The following MBTPS2 variants were observed in gnomAD, a reference collection of about 807,000 sequenced individuals.
The protein encoded by MBTPS2 is membrane bound transcription factor peptidase, site 2, also known as membrane-bound transcription factor site-2 protease.
Under a neutral mutation model 35.4 loss-of-function variants are expected in MBTPS2, and 2 were observed. That is an observed-to-expected ratio of 0.06 (90% CI 0.02 to 0.18). The LOEUF (loss-of-function observed/expected upper bound fraction) is 0.18, where lower values mean the gene tolerates loss of function less well. Among genes scored for constraint, MBTPS2 ranks in the 10% least tolerant of loss-of-function variants. The pLI is 1.00. For synonymous variants in MBTPS2, 125 were observed against 140.4 expected (o/e 0.89, Z 0.77); for missense variants, 244 against 386.5 (o/e 0.63, Z 3.09).
At chrX:21,865,803 A>T (rs1362976006) in intron 5 of MBTPS2, among the ~76,000 whole-genome samples, 20 of 110,841 alleles carry the variant, frequency 1.8e-4, no homozygotes, top group Non-Finnish European at 3.4e-4. Context: ...GTTTTTTTTT[A>T]TTATTATTTG....
At chrX:21,861,800 A>G (rs1348801564) in intron 5 of MBTPS2, among the ~76,000 whole-genome samples, 3 of 109,262 alleles carry the variant, frequency 2.7e-5, no homozygotes, top group Non-Finnish European at 3.8e-5. Flanking sequence ...AATAGAAAAG[A>G]TCATTTACCT....
chrX:21,862,342 C>T lies in MBTPS2; in HGVS notation c.671-6125C>T, dbSNP rs368630852. Among the ~76,000 whole-genome samples, 12 of 110,319 alleles carry T rather than the reference C, an allele frequency of 1.1e-4. No individual in the cohort carries two copies. In the East Asian group the frequency reaches 2.3e-3, roughly 21 times the overall value. ...GTTTCTGTGGTGTAAATACTTGCAC[C>T]GTGGTCAGTTTCAAGCTGCAAACCT... is the stretch of plus-strand genomic sequence containing the variant. On this transcript the variant is annotated intron_variant, in intron 5 of 10. Coordinates refer to ENST00000379484, the MANE Select transcript of MBTPS2 (RefSeq NM_015884.4).
chrX:21,856,722 A>G, intron 5 of MBTPS2: 1 of 1,211,933 alleles, frequency 8.3e-7, no homozygotes, highest in Non-Finnish European at 1.1e-6. Context: ...GGAAATGCTT[A>G]TGTTGCAGAC....
At chrX:21,868,953 G>A (rs760753351) in intron 6 of MBTPS2, among the ~76,000 whole-genome samples, 2 of 112,378 alleles carry the variant, frequency 1.8e-5, no homozygotes, top group African/African-American at 3.2e-5. Flanking sequence ...CTGTCCAGCC[G>A]TAACATTTCA....
At chrX:21,844,847 C>T (rs756442358) in intron 2 of MBTPS2, among the ~76,000 whole-genome samples, 2 of 112,214 alleles carry the variant, frequency 1.8e-5, no homozygotes, top group South Asian at 3.7e-4. Context: ...ATGTCTATAA[C>T]GTCAAAAGGG....
intron 3 of MBTPS2, among the ~76,000 whole-genome samples, chrX:21,848,245 C>A (rs960096924): frequency 5.4e-5 from 6 of 110,690 alleles, no homozygotes; most frequent in Non-Finnish European, 9.4e-5. Flanking sequence ...CATGGTGAAA[C>A]CCCGTCCCTA....
At chrX:21,879,950 T>TTC (rs772206274) in intron 9 of MBTPS2, among the ~76,000 whole-genome samples, 15,461 of 69,244 alleles carry the variant, frequency 0.22, 1,522 homozygotes, top group South Asian at 0.28. Context: ...TATGTTATTC[T>TTC]TTTTTTTTTT....
intron 5 of MBTPS2, among the ~76,000 whole-genome samples, chrX:21,862,962 AT>A (rs1569325834): frequency 9.6e-5 from 6 of 62,472 alleles, no homozygotes; most frequent in Non-Finnish European, 1.7e-4. Context: ...ATATATATAT[AT>A]ATATAAAACC....
chrX:21,859,193 A>T (rs995396196), intron 5 of MBTPS2, among the ~76,000 whole-genome samples: 7 of 112,086 alleles, frequency 6.2e-5, no homozygotes, highest in Non-Finnish European at 1.1e-4. Context: ...TTGTAAAAAA[A>T]TTCAAAATGT....
rs921457452 is a variant in MBTPS2 at position 21,885,404 on chromosome X, G to A, written c.*2749G>A. The A allele has an allele frequency of 2.7e-5, 20 of 749,848 alleles. No individual in the cohort carries two copies. The highest frequency in any genetic ancestry group is 3.1e-5 in the Non-Finnish European group (20 of 636,514). 61.8% of individuals were successfully genotyped at this position (749,848 alleles called of 1,213,427 possible). A position where few individuals can be genotyped will look rare whatever the true frequency, so the allele number is the denominator to read the frequency against. On this transcript the variant is annotated 3_prime_UTR_variant, in exon 11 of 11. Transcript: ENST00000379484. ...TGTTTAGCAATAAAAGAATAAATGT[G>A]TACCAGCATTTTATGTTTATCATCG...
chrX:21,856,172 G>A (rs754753915), intron 5 of MBTPS2: 47 of 284,414 alleles, frequency 1.7e-4, no homozygotes, highest in Admixed American at 2.9e-4. Context: ...AACGTACGCG[G>A]GCACGTGCAC....
chrX:21,846,136 GAAC>G (rs962704292), intron 3 of MBTPS2, among the ~76,000 whole-genome samples: 4 of 111,052 alleles, frequency 3.6e-5, no homozygotes, highest in Non-Finnish European at 7.5e-5. Context: ...CATTTGTAGA[GAAC>G]AATAATCTCT....
chrX:21,856,154 G>A (rs2092920850), intron 5 of MBTPS2: 2 of 255,072 alleles, frequency 7.8e-6, no homozygotes, highest in Non-Finnish European at 1.4e-5. Context: ...CGGGGTCGCA[G>A]GGTGGCAAAC....
In MBTPS2 at chrX:21,856,319, G is replaced by C. The variant is rs2092921717; in HGVS notation, c.670+2816G>C. On this transcript the variant is annotated intron_variant, in intron 5 of 10. Transcript: ENST00000379484. ...CAGCTCGCGCCTTTCTCTGCAGCTC[G>C]CGCCTTTCTCTGCAGCTCGCGCCTT... is the stretch of plus-strand genomic sequence containing the variant. The C allele has an allele frequency of 1.1e-5, 5 of 457,576 alleles. No individual in the cohort carries two copies. In the South Asian group the frequency reaches 1.7e-4, roughly 16 times the overall value. 37.7% of individuals were successfully genotyped at this position (457,576 alleles called of 1,213,427 possible).
intron 5 of MBTPS2, among the ~76,000 whole-genome samples, chrX:21,862,901 C>CATAT (rs1175940575): frequency 1.4e-5 from 1 of 69,566 alleles, no homozygotes; most frequent in Non-Finnish European, 2.7e-5. Context: ...TATATATAAA[C>CATAT]ATATATAAAT....
chrX:21,864,212 T>TTTTTG (rs1159793670), intron 5 of MBTPS2, among the ~76,000 whole-genome samples: 2 of 112,407 alleles, frequency 1.8e-5, no homozygotes, highest in Non-Finnish European at 3.8e-5. Context: ...TAAATCTAGT[T>TTTTTG]TTTTGTTTTG....
chrX:21,856,450 C>T, intron 5 of MBTPS2: 1 of 1,179,695 alleles, frequency 8.5e-7, no homozygotes, highest in East Asian at 3.0e-5. Context: ...TTCCCACGGT[C>T]TTCCCGTTGC....
Position 21,885,402 on chromosome X carries a change from G to C in MBTPS2, c.*2747G>C. 6.7e-6 allele frequency: 5 copies of C among 751,875 alleles called. No individual in the cohort carries two copies. Among genetic ancestry groups the C allele is most frequent in the Non-Finnish European group, 7.8e-6 (5 of 637,061 alleles). 62.0% of individuals were successfully genotyped at this position (751,875 alleles called of 1,213,427 possible). A position where few individuals can be genotyped will look rare whatever the true frequency, so the allele number is the denominator to read the frequency against. Reference sequence around the variant, plus strand: ...GATGTTTAGCAATAAAAGAATAAATGTGTACCAGCATTTTATGTTTATCAT... The same window carrying C: ...GATGTTTAGCAATAAAAGAATAAATCTGTACCAGCATTTTATGTTTATCAT... On this transcript the variant is annotated 3_prime_UTR_variant, in exon 11 of 11. Transcript: ENST00000379484.
chrX:21,870,478 A>G (rs2092946010), intron 7 of MBTPS2: 1 of 111,882 alleles, frequency 8.9e-6, no homozygotes, highest in Non-Finnish European at 1.9e-5. Context: ...CTGTATTAAT[A>G]TATTGTTAGC....
Sources: allele counts gnomAD v4.1 joint callset (sites outside exome capture counted in the v4.1 genomes callset), GRCh38; gene constraint gnomAD v4.1.1; transcripts MANE v1.5; gene names NCBI Gene and HGNC (gene_info 2026-07-23, HGNC 2026-07-21).